The following ROBO1 variants were observed in gnomAD, a reference collection of about 807,000 sequenced individuals.
The protein encoded by ROBO1 is roundabout guidance receptor 1.
Under a neutral mutation model 195.9 loss-of-function variants are expected in ROBO1, and 149 were observed. That is an observed-to-expected ratio of 0.76 (90% CI 0.67 to 0.87). ROBO1 has a LOEUF of 0.87. Among genes scored for constraint, ROBO1 ranks in the 40% least tolerant of loss-of-function variants. ROBO1 has a pLI of 0.00. For missense variants in ROBO1, 1,933 were observed against 2,068.3 expected (o/e 0.93, Z 1.27); for synonymous variants, 816 against 733.2 (o/e 1.11, Z -1.82).
At chr3:79,642,249 T>C (rs577028000) in intron 1 of ROBO1, among the ~76,000 whole-genome samples, 2 of 152,138 alleles carry the variant, frequency 1.3e-5, no homozygotes, top group Non-Finnish European at 2.9e-5. Flanking sequence ...AAGAATGCAA[T>C]TGAACAAAGA....
chr3:79,270,054 C>G (rs1161856961), intron 2 of ROBO1, among the ~76,000 whole-genome samples: 4 of 151,776 alleles, frequency 2.6e-5, no homozygotes, highest in African/African-American at 4.8e-5. Context: ...GCACAGATAA[C>G]ATATGGTAGC....
At chr3:79,239,403 A>G (rs1453043068) in intron 2 of ROBO1, among the ~76,000 whole-genome samples, 1 of 152,206 alleles carries the variant, frequency 6.6e-6, no homozygotes, top group Non-Finnish European at 1.5e-5. Flanking sequence ...CTCTTGTACT[A>G]TTTCTTCACT....
chr3:79,323,539 C>T (rs1261020315), intron 2 of ROBO1, among the ~76,000 whole-genome samples: 1 of 152,130 alleles, frequency 6.6e-6, no homozygotes, highest in Non-Finnish European at 1.5e-5. Flanking sequence ...CATGCATTTA[C>T]TAATTATATC....
chr3:78,643,908 C>G (rs1706122037), intron 21 of ROBO1, among the ~76,000 whole-genome samples: 1 of 152,004 alleles, frequency 6.6e-6, no homozygotes, highest in Non-Finnish European at 1.5e-5. Flanking sequence ...GAGACAGCAT[C>G]AACAAAATGC....
rs543702309 is a variant in ROBO1 at position 79,587,443 on chromosome 3, C to T, written c.88+2381G>A. On this transcript the variant is annotated intron_variant, in intron 2 of 30. Coordinates refer to ENST00000464233, the MANE Select transcript of ROBO1 (RefSeq NM_002941.4). ...CTGTAGACACCTTGGCTGATGATAA[C>T]TCACTGAGTCAAGTACTACAGAATA... 1.1e-4 allele frequency among the ~76,000 whole-genome samples: 17 copies of T among 151,898 alleles called. No homozygotes were observed. The South Asian group carries it at 3.5e-3, about 32-fold the overall frequency.
chr3:78,944,941 G>A (rs1422624321), intron 3 of ROBO1, among the ~76,000 whole-genome samples: 1 of 152,166 alleles, frequency 6.6e-6, no homozygotes, highest in Admixed American at 6.5e-5. Context: ...AGATCAAACT[G>A]CAAGGCGGCA....
At chr3:78,661,759 G>C (rs1403936486) in intron 15 of ROBO1, among the ~76,000 whole-genome samples, 3 of 152,092 alleles carry the variant, frequency 2.0e-5, no homozygotes, top group Non-Finnish European at 4.4e-5. Flanking sequence ...AATACTATCT[G>C]TTTCTTTCCT....
intron 1 of ROBO1, among the ~76,000 whole-genome samples, chr3:79,649,288 A>T (rs1390574619): frequency 6.6e-6 from 1 of 152,098 alleles, no homozygotes; most frequent in African/African-American, 2.4e-5. Flanking sequence ...TGTTGAACAC[A>T]TAACAATTGT....
At chr3:79,251,418 T>C (rs1432187197) in intron 2 of ROBO1, among the ~76,000 whole-genome samples, 1 of 152,176 alleles carries the variant, frequency 6.6e-6, no homozygotes, top group Non-Finnish European at 1.5e-5. Context: ...TGTAAAATAC[T>C]GTAGGTCAAC....
chr3:79,320,951 A>G (rs2033953804), intron 2 of ROBO1, among the ~76,000 whole-genome samples: 1 of 152,214 alleles, frequency 6.6e-6, no homozygotes. Flanking sequence ...GAAATTCTCT[A>G]TGTAAAGCTA....
In ROBO1 at chr3:78,872,082, T is replaced by C. The variant is rs113473104; in HGVS notation, c.499+66519A>G. 8.7e-3 allele frequency among the ~76,000 whole-genome samples: 1,319 copies of C among 152,340 alleles called. 24 individuals carry two copies. The highest frequency in any genetic ancestry group is 0.027 in the African/African-American group (1,143 of 41,582). On this transcript the variant is annotated intron_variant, in intron 4 of 30. Transcript: ENST00000464233. ...TCTCTGGGCCTTATTTTATTGCAAC[T>C]ATTTTATAAGATGTGAGCATAAGTT... is the stretch of plus-strand genomic sequence containing the variant.
chr3:79,386,750 T>C (rs1375503990), intron 2 of ROBO1, among the ~76,000 whole-genome samples: 1 of 152,128 alleles, frequency 6.6e-6, no homozygotes, highest in Admixed American at 6.6e-5. Flanking sequence ...TAGATGAGAA[T>C]TATGTCACAG....
At chr3:79,230,723 G>A (rs1488170647) in intron 2 of ROBO1, among the ~76,000 whole-genome samples, 2 of 151,778 alleles carry the variant, frequency 1.3e-5, no homozygotes, top group South Asian at 2.1e-4. Flanking sequence ...ATTAAACTAC[G>A]ATTGACATTC....
intron 22 of ROBO1, among the ~76,000 whole-genome samples, chr3:78,639,369 A>C (rs886580258): frequency 2.6e-5 from 4 of 152,116 alleles, no homozygotes; most frequent in Non-Finnish European, 5.9e-5. Flanking sequence ...AGGCTGAGGC[A>C]TGAGAATCAC....
rs1179658204 is a variant in ROBO1, at chr3:78,598,265, A to ACTT, written c.*645_*647dup. On this transcript the variant is annotated 3_prime_UTR_variant, in exon 31 of 31. Coordinates refer to ENST00000464233, the MANE Select transcript of ROBO1 (RefSeq NM_002941.4). ...AAAAGTACATTTCCAATAAGAATAT[A>ACTT]CTTCAATGATTGAAATGAAGCCAAA... The ACTT allele has an allele frequency of 6.6e-6, 1 of 152,356 alleles. No homozygotes were observed. The highest frequency in any genetic ancestry group is 1.5e-5 in the Non-Finnish European group (1 of 68,032). 9.4% of individuals were successfully genotyped at this position (152,356 alleles called of 1,614,324 possible). A position where few individuals can be genotyped will look rare whatever the true frequency, so the allele number is the denominator to read the frequency against.
Position 79,323,085 on chromosome 3 carries a change from C to CTT in ROBO1, c.89-197548_89-197547dup, listed in dbSNP as rs1175827885. The stretch of plus-strand genomic sequence containing the variant: ...CTTCAAATTGTAGCTTTCTTTCTTT[C>CTT]TTTTTTTTTTTTTTGAGACGAAGTC... On this transcript the variant is annotated intron_variant, in intron 2 of 30. Coordinates refer to ENST00000464233, the MANE Select transcript of ROBO1 (RefSeq NM_002941.4). Among the ~76,000 whole-genome samples the CTT allele has an allele frequency of 2.8e-3, 399 of 142,278 alleles. 3 individuals carry two copies. The highest frequency in any genetic ancestry group is 8.9e-3 in the African/African-American group (350 of 39,122). 93.3% of individuals were successfully genotyped at this position (142,278 alleles called of 152,430 possible).
At position 79,718,995 on chromosome 3, in the gene ROBO1, T is replaced by C. The variant is rs547615170; in HGVS notation, c.-51+48757A>G. On this transcript the variant is annotated intron_variant, in intron 1 of 30. Transcript: ENST00000464233. ...GTAGAGAAAGAGTATTAATAGCCACTGCAGCAAGCATAAATAAGAATGTCT... is the reference window on the plus strand; with the variant it reads ...GTAGAGAAAGAGTATTAATAGCCACCGCAGCAAGCATAAATAAGAATGTCT... 1.3e-4 allele frequency among the ~76,000 whole-genome samples: 20 copies of C among 152,148 alleles called. No individual in the cohort carries two copies. The South Asian group carries it at 4.1e-3, about 32-fold the overall frequency.
At chr3:78,873,357 G>C (rs1484899795) in intron 4 of ROBO1, among the ~76,000 whole-genome samples, 1 of 152,098 alleles carries the variant, frequency 6.6e-6, no homozygotes, top group African/African-American at 2.4e-5. Flanking sequence ...AAAGAAAATA[G>C]ATGAGCTGGC....
At chr3:78,915,073 G>T (rs914856866) in intron 4 of ROBO1, among the ~76,000 whole-genome samples, 1 of 151,980 alleles carries the variant, frequency 6.6e-6, no homozygotes, top group African/African-American at 2.4e-5. Flanking sequence ...GTCCTACCAG[G>T]GCACTCTTAT....
Sources: gnomAD v4.1 joint callset for allele counts (sites outside exome capture counted in the v4.1 genomes callset) on GRCh38, gnomAD v4.1.1 for gene constraint, MANE v1.5 for transcripts, NCBI Gene and HGNC (gene_info 2026-07-23, HGNC 2026-07-21) for gene names.